GPHN: variants seen among roughly 807,000 people sequenced by gnomAD.
The protein encoded by GPHN is gephyrin.
Under a neutral mutation model 95.5 loss-of-function variants are expected in GPHN, and 17 were observed. The ratio of observed to expected loss-of-function variants is 0.18; its 90% CI spans 0.12 to 0.27. GPHN has a LOEUF of 0.27. Among genes scored for constraint, GPHN ranks in the 10% least tolerant of loss-of-function variants. The probability of loss-of-function intolerance (pLI) is 1.00; values close to 1 mark genes in which losing one functional copy is unlikely to be tolerated. For missense variants in GPHN, 660 were observed against 978.1 expected (o/e 0.67, Z 4.34); for synonymous variants, 320 against 322.5 (o/e 0.99, Z 0.08).
At chr14:66,703,926 A>G (rs1458178207) in intron 2 of GPHN, among the ~76,000 whole-genome samples, 1 of 152,000 alleles carries the variant, frequency 6.6e-6, no homozygotes, top group African/African-American at 2.4e-5. Context: ...GTTCAAAATA[A>G]AAGGATGGAG....
chr14:66,779,927 T>G (rs1398724233), intron 3 of GPHN, among the ~76,000 whole-genome samples: 1 of 152,052 alleles, frequency 6.6e-6, no homozygotes, highest in Non-Finnish European at 1.5e-5. Context: ...TCTACCTAGA[T>G]GGAAGGAGAC....
the GPHN span, among the ~76,000 whole-genome samples, chr14:67,673,665 C>G: frequency 6.6e-6 from 1 of 152,244 alleles, no homozygotes; most frequent in Non-Finnish European, 1.5e-5. Context: ...CACCCAAGCT[C>G]TGACTCTTAA....
chr14:66,592,161 A>T (rs983269814), intron 1 of GPHN, among the ~76,000 whole-genome samples: 4 of 152,244 alleles, frequency 2.6e-5, no homozygotes, highest in Non-Finnish European at 4.4e-5. Flanking sequence ...CTCAAGATGG[A>T]TTAAATACTT....
chr14:66,664,510 A>G (rs1340013225), intron 1 of GPHN, among the ~76,000 whole-genome samples: 1 of 152,226 alleles, frequency 6.6e-6, no homozygotes, highest in African/African-American at 2.4e-5. Context: ...TATAGCAGTA[A>G]ATGCCCACAT....
At chr14:67,166,068 G>C (rs538145964) in intron 20 of GPHN, among the ~76,000 whole-genome samples, 3 of 152,016 alleles carry the variant, frequency 2.0e-5, no homozygotes, top group Admixed American at 1.3e-4. Context: ...CATGGCTTTT[G>C]GATCTTTGTT....
chr14:66,754,376 A>ATAC (rs1257404912), intron 2 of GPHN, among the ~76,000 whole-genome samples: 1 of 152,010 alleles, frequency 6.6e-6, no homozygotes, highest in Non-Finnish European at 1.5e-5. Flanking sequence ...TATTCAATTT[A>ATAC]TACTACTAGT....
chr14:67,282,694 A>C, the GPHN span, among the ~76,000 whole-genome samples: 1 of 151,020 alleles, frequency 6.6e-6, no homozygotes, highest in African/African-American at 2.5e-5. Context: ...TAAATGGTAA[A>C]AAATTTGATA....
the GPHN span, chr14:67,294,567 A>G: frequency 2.6e-5 from 4 of 152,162 alleles, no homozygotes; most frequent in Non-Finnish European, 4.4e-5. Flanking sequence ...ATTAGGTATC[A>G]TATAATAATA....
intron 2 of GPHN, among the ~76,000 whole-genome samples, chr14:66,729,562 T>G (rs2071578133): frequency 1.3e-5 from 2 of 152,198 alleles, no homozygotes; most frequent in Admixed American, 6.5e-5. Flanking sequence ...TTGAGATCTT[T>G]CTTGGATGAT....
At chr14:67,630,694 T>C in the GPHN span, among the ~76,000 whole-genome samples, 1 of 152,346 alleles carries the variant, frequency 6.6e-6, no homozygotes, top group Non-Finnish European at 1.5e-5. Flanking sequence ...ATTCTCTGCC[T>C]CAGCCTCCAT....
chr14:67,573,713 A>G, the GPHN span: 8 of 869,106 alleles, frequency 9.2e-6, no homozygotes, highest in African/African-American at 1.2e-4. This position sits in a 1 kb window ranked among gnomAD's most constrained non-coding sequence, Gnocchi z 4.8. Flanking sequence ...CCCTTTGCTT[A>G]TGACGTGGAG....
the GPHN span, chr14:67,559,687 C>T: frequency 6.2e-7 from 1 of 1,601,704 alleles, no homozygotes; most frequent in Non-Finnish European, 8.5e-7. Context: ...CTCAAGTTGG[C>T]AAAGGTGGGT....
At chr14:66,818,213 A>G (rs760371268) in intron 3 of GPHN, among the ~76,000 whole-genome samples, 1 of 152,062 alleles carries the variant, frequency 6.6e-6, no homozygotes, top group Non-Finnish European at 1.5e-5. Context: ...ATCACCAGGT[A>G]TTAAGCCTAG....
At chr14:66,984,849 G>T (rs971098952) in intron 9 of GPHN, among the ~76,000 whole-genome samples, 2 of 146,384 alleles carry the variant, frequency 1.4e-5, no homozygotes, top group African/African-American at 5.0e-5. Flanking sequence ...TCACCCTGCC[G>T]TTTTTTTTTT....
the GPHN span, among the ~76,000 whole-genome samples, chr14:67,188,466 A>T: frequency 1.3e-5 from 2 of 152,224 alleles, no homozygotes; most frequent in Non-Finnish European, 2.9e-5. Context: ...ATGAGATCAG[A>T]TCTATGCAAA....
chr14:66,723,724 C>T (rs1168334718), intron 2 of GPHN, among the ~76,000 whole-genome samples: 1 of 151,904 alleles, frequency 6.6e-6, no homozygotes, highest in East Asian at 1.9e-4. Context: ...AATTATATGT[C>T]GTATTATGTT....
the GPHN span, among the ~76,000 whole-genome samples, chr14:67,608,926 G>T: frequency 6.6e-6 from 1 of 152,278 alleles, no homozygotes; most frequent in Non-Finnish European, 1.5e-5. Flanking sequence ...GTGACCAAGC[G>T]TATGGGGGGC....
At chr14:67,400,239 A>T in the GPHN span, among the ~76,000 whole-genome samples, 5 of 152,222 alleles carry the variant, frequency 3.3e-5, no homozygotes, top group Non-Finnish European at 7.3e-5. Context: ...TAATCTGACA[A>T]GAGTTTATTA....
chr14:66,798,357 G>C (rs1201268382), intron 3 of GPHN, among the ~76,000 whole-genome samples: 1 of 151,654 alleles, frequency 6.6e-6, no homozygotes, highest in Non-Finnish European at 1.5e-5. Context: ...GTATTCCCTC[G>C]TCTATTTTTC....
Sources: gnomAD v4.1 joint callset for allele counts (sites outside exome capture counted in the v4.1 genomes callset) on GRCh38, gnomAD v4.1.1 for gene constraint, Gnocchi (gnomAD v3.1) non-coding constraint, MANE v1.5 for transcripts, NCBI Gene and HGNC (gene_info 2026-07-23, HGNC 2026-07-21) for gene names.